ADAMTS12: variants seen among roughly 807,000 people sequenced by gnomAD.
The protein encoded by ADAMTS12 is ADAM metallopeptidase with thrombospondin type 1 motif 12.
A neutral mutation model predicts 167.8 loss-of-function variants in ADAMTS12; 118 were observed. The ratio of observed to expected loss-of-function variants is 0.70; its 90% CI spans 0.61 to 0.82. ADAMTS12 has a LOEUF of 0.82. Ranked by LOEUF, ADAMTS12 falls within the 40% of genes least tolerant of loss-of-function variation. ADAMTS12 has a pLI of 0.00. For missense variants in ADAMTS12, 1,916 were observed against 1,998.8 expected (o/e 0.96, Z 0.79); for synonymous variants, 704 against 716.9 (o/e 0.98, Z 0.29).
At chr5:33,666,005 A>G (rs1279447800) in intron 5 of ADAMTS12, among the ~76,000 whole-genome samples, 2 of 152,266 alleles carry the variant, frequency 1.3e-5, no homozygotes, top group Admixed American at 1.3e-4. Context: ...CATAGGGCGT[A>G]TCCCAAGTAA....
At chr5:33,567,475 GA>G (rs1746070989) in intron 19 of ADAMTS12, among the ~76,000 whole-genome samples, 3 of 152,184 alleles carry the variant, frequency 2.0e-5, no homozygotes, top group Admixed American at 2.0e-4. Context: ...CATGATTTAG[GA>G]AGAAAATACA....
At chr5:33,632,350 G>A (rs10941076) in intron 12 of ADAMTS12, among the ~76,000 whole-genome samples, 119,529 of 151,812 alleles carry the variant, frequency 0.79, 48,567 homozygotes, top group Non-Finnish European at 0.89. Context: ...ACCATTATGC[G>A]TGTAATACCC....
intron 3 of ADAMTS12, among the ~76,000 whole-genome samples, chr5:33,694,534 G>T (rs1424098620): frequency 6.6e-6 from 1 of 152,192 alleles, no homozygotes; most frequent in Non-Finnish European, 1.5e-5. Flanking sequence ...TGGTAAAAAG[G>T]TTCGAAAATA....
At chr5:33,795,003 A>T (rs929155522) in intron 2 of ADAMTS12, among the ~76,000 whole-genome samples, 1 of 152,222 alleles carries the variant, frequency 6.6e-6, no homozygotes, top group Non-Finnish European at 1.5e-5. Context: ...AAGTTTTTTT[A>T]AAAAAGACAT....
chr5:33,844,894 G>A (rs558331890), intron 2 of ADAMTS12, among the ~76,000 whole-genome samples: 5 of 152,058 alleles, frequency 3.3e-5, no homozygotes, highest in South Asian at 4.2e-4. Context: ...TTCTCAACCC[G>A]GCCGATGCTT....
chr5:33,753,544 C>A (rs1287851589), intron 2 of ADAMTS12, among the ~76,000 whole-genome samples: 1 of 152,046 alleles, frequency 6.6e-6, no homozygotes, highest in Non-Finnish European at 1.5e-5. Flanking sequence ...ATGATTGGAC[C>A]TAGGGGCCCT....
At chr5:33,789,841 T>C (rs145220373) in intron 2 of ADAMTS12, among the ~76,000 whole-genome samples, 41 of 152,322 alleles carry the variant, frequency 2.7e-4, no homozygotes, top group African/African-American at 8.7e-4. Flanking sequence ...CTGCAGCCTC[T>C]TCTTTCTAAA....
chr5:33,823,091 T>TG, intron 2 of ADAMTS12, among the ~76,000 whole-genome samples: 1 of 140,186 alleles, frequency 7.1e-6, no homozygotes, highest in East Asian at 2.1e-4. Flanking sequence ...ACCCCATTTC[T>TG]AAAAAAAAAA....
In ADAMTS12 at chr5:33,524,063, G is replaced by A. The variant is rs1743697237; in HGVS notation, c.*3125C>T. The A allele has an allele frequency of 6.6e-6, 1 of 152,274 alleles. No homozygotes were observed. The highest frequency in any genetic ancestry group is 1.5e-5 in the Non-Finnish European group (1 of 68,046). The allele number at this position is 152,274 out of a possible 1,614,324, so 9.4% of individuals were successfully genotyped here. On this transcript the variant is annotated 3_prime_UTR_variant, in exon 24 of 24. Coordinates refer to ENST00000504830, the MANE Select transcript of ADAMTS12 (RefSeq NM_030955.4). ...ATATAATCTCTCACATTGTGTTTCAGATACTGGATGAAGGTTATCAGAAAC... is the reference window on the plus strand; with the variant it reads ...ATATAATCTCTCACATTGTGTTTCAAATACTGGATGAAGGTTATCAGAAAC...
chr5:33,864,230 T>G (rs1426368968), intron 2 of ADAMTS12, among the ~76,000 whole-genome samples: 1 of 152,148 alleles, frequency 6.6e-6, no homozygotes. Flanking sequence ...AACAAACATA[T>G]GATAAAAAGC....
intron 2 of ADAMTS12, among the ~76,000 whole-genome samples, chr5:33,765,525 A>G (rs893886620): frequency 3.9e-5 from 6 of 152,214 alleles, no homozygotes; most frequent in Admixed American, 3.9e-4. Context: ...AAAGCAGAAT[A>G]TTTCTTAAAA....
intron 2 of ADAMTS12, among the ~76,000 whole-genome samples, chr5:33,818,238 T>G (rs1747738739): frequency 6.6e-6 from 1 of 152,118 alleles, no homozygotes; most frequent in Non-Finnish European, 1.5e-5. Context: ...ATATATTTGC[T>G]GTTTTCATCC....
Position 33,648,858 on chromosome 5 carries a change from T to C in ADAMTS12, c.1443A>G (p.Gln481=), listed in dbSNP as rs762799175. 1 of 1,614,044 alleles carries C rather than the reference T, an allele frequency of 6.2e-7. No homozygotes were observed. Among genetic ancestry groups the C allele is most frequent in the South Asian group, 1.1e-5 (1 of 91,068 alleles). Residue 481 remains glutamine (Q), a synonymous_variant, in exon 9 of 24, where the codon CAA becomes CAG. Coordinates refer to ENST00000504830, the MANE Select transcript of ADAMTS12 (RefSeq NM_030955.4). ...GGCAGAAGGTAGCATTGGGTCCATA[T>C]TGTAGCTGGCACTGGTGGTGAACAT... The part of the protein sequence containing the change: ...IYDVHHQCQL[Q]YGPNATFCQE...
At chr5:33,628,984 C>T (rs1739793128) in intron 13 of ADAMTS12, among the ~76,000 whole-genome samples, 1 of 152,130 alleles carries the variant, frequency 6.6e-6, no homozygotes, top group African/African-American at 2.4e-5. Flanking sequence ...GTTCTCAATC[C>T]TGGCTACTTA....
intron 20 of ADAMTS12, 89 bp downstream of exon 20, chr5:33,560,938 C>G: frequency 7.9e-7 from 1 of 1,268,786 alleles, no homozygotes; most frequent in African/African-American, 1.6e-5. Context: ...AAAAAAAAAA[C>G]GACTTTAGCA....
intron 17 of ADAMTS12, among the ~76,000 whole-genome samples, chr5:33,593,633 G>T (rs1747756205): frequency 6.6e-6 from 1 of 151,818 alleles, no homozygotes; most frequent in African/African-American, 2.4e-5. Flanking sequence ...TGAACAATGA[G>T]AACACATGGA....
intron 18 of ADAMTS12, 96 bp from the exon 19 acceptor site, chr5:33,577,256 A>C: frequency 1.3e-6 from 2 of 1,546,376 alleles, no homozygotes; most frequent in Non-Finnish European, 1.8e-6. Context: ...GATGGAAACT[A>C]AACTATGCAG....
chr5:33,742,159 C>A (rs981308098), intron 3 of ADAMTS12, among the ~76,000 whole-genome samples: 2 of 152,014 alleles, frequency 1.3e-5, no homozygotes, highest in Non-Finnish European at 2.9e-5. Flanking sequence ...CAATGACACA[C>A]AAAGCAATGT....
chr5:33,645,129 A>G (rs1740613002), intron 9 of ADAMTS12, among the ~76,000 whole-genome samples: 1 of 150,572 alleles, frequency 6.6e-6, no homozygotes, highest in Non-Finnish European at 1.5e-5. Context: ...TGGTATCTCC[A>G]GGACAAATGC....
Sources: allele counts gnomAD v4.1 joint callset (sites outside exome capture counted in the v4.1 genomes callset), GRCh38; gene constraint gnomAD v4.1.1; transcripts MANE v1.5; gene names NCBI Gene and HGNC (gene_info 2026-07-23, HGNC 2026-07-21).